The following GRIN2B variants were observed in gnomAD, a reference collection of about 807,000 sequenced individuals.
GRIN2B encodes glutamate receptor ionotropic, NMDA 2B.
Under a neutral mutation model 114.5 loss-of-function variants are expected in GRIN2B, and 5 were observed. That is an observed-to-expected ratio of 0.04 (90% confidence interval 0.02 to 0.09). The LOEUF (loss-of-function observed/expected upper bound fraction) is 0.09, where lower values mean the gene tolerates loss of function less well. Among genes scored for constraint, GRIN2B ranks in the 10% least tolerant of loss-of-function variants. GRIN2B has a pLI of 1.00. For missense variants in GRIN2B, 1,108 were observed against 1,943.5 expected, an observed-to-expected ratio of 0.57 and a Z score of 8.08; for synonymous variants, 787 against 745.1, an observed-to-expected ratio of 1.06 and a Z score of -0.92.
intron 4 of GRIN2B, among the ~76,000 whole-genome samples, chr12:13,742,219 ACT>A (rs1863299917): frequency 1.3e-5 from 2 of 151,942 alleles, no homozygotes; most frequent in African/African-American, 4.8e-5. Flanking sequence ...GTGTTATACA[ACT>A]CTGCTTTTCA....
intron 3 of GRIN2B, among the ~76,000 whole-genome samples, chr12:13,788,252 G>A (rs1171332588): frequency 2.0e-5 from 3 of 152,118 alleles, no homozygotes; most frequent in African/African-American, 7.2e-5. Flanking sequence ...GTTGAATTGC[G>A]GGGACAGAAC....
rs1454642871 is a variant in GRIN2B, at chr12:13,571,837, C to G, written c.2138G>C (p.Gly713Ala). The G allele has an allele frequency of 6.2e-7, 1 of 1,613,956 alleles. No homozygotes were observed. The highest frequency in any genetic ancestry group is 8.5e-7 in the Non-Finnish European group (1 of 1,179,914). ...HAYMGKFNQR[G>A]VDDALLSLKT... ...CAGGGAGAGCAATGCATCATCTACA[C>G]CCCTCTGGTTGAACTTTCCCATGTA... The change falls in exon 11 of 14, where the codon GGT (glycine) becomes GCT (alanine). Residue 713 changes from glycine to alanine, a missense_variant. Coordinates refer to ENST00000609686, the MANE Select transcript of GRIN2B (RefSeq NM_000834.5).
chr12:13,564,199 G>C lies in GRIN2B; in HGVS notation c.3039C>G (p.Thr1013=), dbSNP rs1301432779. The change falls in exon 14 of 14, where the codon ACC becomes ACG. Residue 1013 remains threonine, a synonymous_variant. Transcript: ENST00000609686. This position sits in a 1 kb window ranked among gnomAD's most constrained non-coding sequence, Gnocchi z 4.8. ...LYDCDNPPFT[T]QSRSISKKPL... is the part of the protein sequence containing the mutation. ...GCTTCTTGCTGATGGACCTGGACTG[G>C]GTGGTGAAGGGTGGGTTGTCACAGT... The C allele has an allele frequency of 6.2e-7, 1 of 1,614,052 alleles. No homozygotes were observed. Among genetic ancestry groups the C allele is most frequent in the East Asian group, 2.2e-5 (1 of 44,872 alleles).
intron 2 of GRIN2B, among the ~76,000 whole-genome samples, chr12:13,951,447 G>GGGTGAAGAA (rs1389552789): frequency 1.3e-5 from 2 of 152,182 alleles, no homozygotes; most frequent in African/African-American, 2.4e-5. Flanking sequence ...CTAAATGTAA[G>GGGTGAAGAA]GGTGAAGAAG....
At chr12:13,824,930 T>C (rs184177408) in intron 3 of GRIN2B, among the ~76,000 whole-genome samples, 103 of 152,048 alleles carry the variant, frequency 6.8e-4, no homozygotes, top group African/African-American at 2.3e-3. Flanking sequence ...CTCTACTTCA[T>C]TGATTTCCCC....
At chr12:13,706,641 C>T (rs1591687247) in intron 4 of GRIN2B, among the ~76,000 whole-genome samples, 2 of 152,202 alleles carry the variant, frequency 1.3e-5, no homozygotes, top group East Asian at 1.9e-4. Flanking sequence ...CATGTCTGAC[C>T]ATCAAAGCGT....
chr12:13,601,644 A>G (rs1462420510), intron 10 of GRIN2B, among the ~76,000 whole-genome samples: 1 of 152,048 alleles, frequency 6.6e-6, no homozygotes, highest in Admixed American at 6.5e-5. Flanking sequence ...CTTAGAGGTG[A>G]GGAATACAGT....
chr12:13,871,749 T>C (rs1238119849), intron 2 of GRIN2B, among the ~76,000 whole-genome samples: 2 of 148,776 alleles, frequency 1.3e-5, no homozygotes, highest in Admixed American at 1.3e-4. Flanking sequence ...AAAATGCGAA[T>C]GAAAGAGAAA....
intron 4 of GRIN2B, among the ~76,000 whole-genome samples, chr12:13,739,171 A>G (rs1863234060): frequency 6.6e-6 from 1 of 152,074 alleles, no homozygotes. Flanking sequence ...ACCTGAGGTC[A>G]GGAGTTCGAG....
intron 4 of GRIN2B, among the ~76,000 whole-genome samples, chr12:13,729,129 T>C (rs543443631): frequency 2.0e-5 from 3 of 152,306 alleles, no homozygotes; most frequent in African/African-American, 7.2e-5. Flanking sequence ...TATTTTTCTG[T>C]TTTTTTCTTA....
In GRIN2B at chr12:13,563,713, G is replaced by A. The variant is rs1472155608; in HGVS notation, c.3525C>T (p.Asn1175=). The change falls in exon 14 of 14, where the codon AAC becomes AAT. Residue 1175 remains asparagine, a synonymous_variant. Coordinates refer to ENST00000609686, the MANE Select transcript of GRIN2B (RefSeq NM_000834.5). ...DSVSGGGPCT[N]RSHIKHGTGD... ...CCGTCCCGTGCTTGATGTGAGACCT[G>A]TTGGTACAGGGCCCTCCTCCGCTGA... 1 of 1,613,636 alleles carries A rather than the reference G, an allele frequency of 6.2e-7. No individual in the cohort carries two copies.
chr12:13,817,733 G>A (rs1864854872), intron 3 of GRIN2B, among the ~76,000 whole-genome samples: 1 of 152,092 alleles, frequency 6.6e-6, no homozygotes, highest in Non-Finnish European at 1.5e-5. Flanking sequence ...ACATATATAG[G>A]CAAAGACATT....
intron 2 of GRIN2B, among the ~76,000 whole-genome samples, chr12:13,897,874 G>A (rs1319642819): frequency 1.3e-5 from 2 of 151,828 alleles, no homozygotes; most frequent in Non-Finnish European, 2.9e-5. Flanking sequence ...CATTCTACTA[G>A]AAAATTTTAT....
intron 3 of GRIN2B, among the ~76,000 whole-genome samples, chr12:13,804,227 T>C (rs1215625721): frequency 8.7e-6 from 1 of 114,364 alleles, no homozygotes; most frequent in Non-Finnish European, 1.9e-5. Context: ...TAATCCTCTG[T>C]GGACTGTTTT....
At chr12:13,573,217 C>T (rs1049990168) in intron 10 of GRIN2B, among the ~76,000 whole-genome samples, 1 of 149,204 alleles carries the variant, frequency 6.7e-6, no homozygotes, top group African/African-American at 2.5e-5. Context: ...TTTGGGAGGC[C>T]GAGGCGGGCG....
intron 2 of GRIN2B, among the ~76,000 whole-genome samples, chr12:13,874,919 G>A (rs1865971503): frequency 1.3e-5 from 2 of 152,156 alleles, no homozygotes; most frequent in Non-Finnish European, 2.9e-5. Flanking sequence ...GGTGTTCTGA[G>A]CTACAGATGA....
At chr12:13,975,615 G>A (rs941594729) in intron 2 of GRIN2B, among the ~76,000 whole-genome samples, 1 of 152,144 alleles carries the variant, frequency 6.6e-6, no homozygotes, top group Non-Finnish European at 1.5e-5. Context: ...CAAACAGGTA[G>A]CATCATCAAC....
At chr12:13,973,368 A>G (rs932944155) in intron 2 of GRIN2B, among the ~76,000 whole-genome samples, 1 of 152,170 alleles carries the variant, frequency 6.6e-6, no homozygotes, top group Admixed American at 6.5e-5. Flanking sequence ...TGTAGACAGC[A>G]TAGTTTGCCG....
At chr12:13,783,595 A>G (rs892898048) in intron 3 of GRIN2B, among the ~76,000 whole-genome samples, 1 of 152,164 alleles carries the variant, frequency 6.6e-6, no homozygotes, top group Admixed American at 6.5e-5. Flanking sequence ...TGGCATAAGA[A>G]TCTGGGGCAC....
Sources: gnomAD v4.1 joint callset for allele counts (sites outside exome capture counted in the v4.1 genomes callset) on GRCh38, gnomAD v4.1.1 for gene constraint, Gnocchi (gnomAD v3.1) non-coding constraint, MANE v1.5 for transcripts, NCBI Gene and HGNC (gene_info 2026-07-23, HGNC 2026-07-21) for gene names.